Variants in CPVL observed in about 807,000 individuals in gnomAD.
The protein encoded by CPVL is probable serine carboxypeptidase CPVL.
CPVL carries 51 observed loss-of-function variants against 63.7 expected under a neutral mutation model. The observed-to-expected ratio is 0.80, with a 90% CI of 0.64 to 1.01. CPVL has a LOEUF of 1.01. CPVL is among the 50% of genes least tolerant of loss of function. CPVL has a pLI of 0.00. For missense variants in CPVL, 530 were observed against 573.1 expected, an observed-to-expected ratio of 0.92 and a Z score of 0.77; for synonymous variants, 195 against 206.0, an observed-to-expected ratio of 0.95 and a Z score of 0.46.
At chr7:29,142,927 C>CT (rs1368059570) in intron 1 of CPVL, among the ~76,000 whole-genome samples, 2 of 152,098 alleles carry the variant, frequency 1.3e-5, no homozygotes, top group Non-Finnish European at 2.9e-5. Context: ...ATTCTACTTC[C>CT]TTTTTTCTCC....
chr7:29,104,298 G>C (rs1227998240), intron 3 of CPVL, among the ~76,000 whole-genome samples: 2 of 152,112 alleles, frequency 1.3e-5, no homozygotes, highest in Non-Finnish European at 2.9e-5. Flanking sequence ...TCTCACTCTT[G>C]TTACCCAGGC....
chr7:29,012,373 C>T (rs1313898687), intron 12 of CPVL: 2 of 152,130 alleles, frequency 1.3e-5, no homozygotes, highest in African/African-American at 4.8e-5. Context: ...ACCAGGAACA[C>T]GTTGTTTCAG....
chr7:29,170,859 G>A (rs1483640633), intron 5 of CPVL, among the ~76,000 whole-genome samples: 2 of 152,170 alleles, frequency 1.3e-5, no homozygotes, highest in African/African-American at 4.8e-5. Context: ...GGTAAAGAGA[G>A]AGCTTGTGCA....
At chr7:29,122,768 C>T (rs1290251489) in intron 1 of CPVL, 3 of 152,072 alleles carry the variant, frequency 2.0e-5, no homozygotes, top group African/African-American at 7.2e-5. Flanking sequence ...AAAATGTTGA[C>T]CATTTTTATT....
chr7:29,074,745 G>A (rs570759169), intron 7 of CPVL, among the ~76,000 whole-genome samples: 29 of 149,828 alleles, frequency 1.9e-4, no homozygotes, highest in African/African-American at 6.2e-4. Flanking sequence ...TCTCTCTCTC[G>A]TAGTACCTTT....
At chr7:29,000,806 C>T (rs1784557725) in intron 12 of CPVL, among the ~76,000 whole-genome samples, 1 of 152,076 alleles carries the variant, frequency 6.6e-6, no homozygotes, top group Non-Finnish European at 1.5e-5. Context: ...TTTCACCACC[C>T]CAAAGGAAAC....
intron 6 of CPVL, among the ~76,000 whole-genome samples, chr7:29,088,235 C>T (rs946818944): frequency 7.9e-5 from 12 of 152,060 alleles, no homozygotes; most frequent in African/African-American, 2.9e-4. Context: ...ATAAGTATGT[C>T]CCAAATATTG....
At chr7:29,195,073 CT>C in intron 1 of CPVL, 1 of 1,407,878 alleles carries the variant, frequency 7.1e-7, no homozygotes, top group Non-Finnish European at 9.6e-7. Context: ...TGGACAGAGC[CT>C]ACCTGTGGCC....
chr7:29,116,507 C>G (rs1169682140), intron 2 of CPVL, among the ~76,000 whole-genome samples: 2 of 152,168 alleles, frequency 1.3e-5, no homozygotes, highest in Admixed American at 6.5e-5. Flanking sequence ...GATTTTACTT[C>G]CTCCTTGTTT....
chr7:29,074,514 T>C (rs574538457), intron 7 of CPVL, among the ~76,000 whole-genome samples: 1 of 152,266 alleles, frequency 6.6e-6, no homozygotes, highest in South Asian at 2.1e-4. Flanking sequence ...GATAGTTTAT[T>C]GGGCAATTCT....
intron 11 of CPVL, 149 bp downstream of exon 11, chr7:29,063,912 G>T: frequency 1.7e-6 from 1 of 596,724 alleles, no homozygotes; most frequent in Non-Finnish European, 2.9e-6. Context: ...ACTTTGAATT[G>T]GAATCAAACA....
chr7:29,068,152 C>A (rs781604402), intron 9 of CPVL, among the ~76,000 whole-genome samples: 1 of 151,804 alleles, frequency 6.6e-6, no homozygotes, highest in Non-Finnish European at 1.5e-5. Context: ...TTAAAGGCGC[C>A]TGCCACCACG....
At chr7:29,080,090 T>C (rs1352492589) in intron 7 of CPVL, among the ~76,000 whole-genome samples, 1 of 151,476 alleles carries the variant, frequency 6.6e-6, no homozygotes. Context: ...GCCTGGGACA[T>C]AGTACAGGGA....
chr7:29,122,187 T>C (rs1203287104), intron 1 of CPVL: 1 of 152,218 alleles, frequency 6.6e-6, no homozygotes, highest in Non-Finnish European at 1.5e-5. Context: ...ACAAAGACTT[T>C]GTCAGGATAA....
chr7:29,032,185 T>G (rs1454831163), intron 11 of CPVL, among the ~76,000 whole-genome samples: 2 of 152,088 alleles, frequency 1.3e-5, no homozygotes, highest in Admixed American at 1.3e-4. Flanking sequence ...ACTGCATAAG[T>G]TTCCGTCTTT....
At position 29,146,452 on chromosome 7, in the gene CPVL, T is replaced by C. The variant is rs571012210; in HGVS notation, c.-34A>G. On this transcript the variant is annotated 5_prime_UTR_variant, in exon 1 of 13. Coordinates refer to ENST00000265394, the MANE Select transcript of CPVL (RefSeq NM_031311.5). The stretch of plus-strand genomic sequence containing the variant: ...ACGCGGCGCAGTCGGTGCTCCTCCC[T>C]GAGCCGCGGCGCGCAAGGACCCCAG... 1.5e-6 allele frequency: 2 copies of C among 1,372,074 alleles called. No individual in the cohort carries two copies. The highest frequency in any genetic ancestry group is 1.6e-5 in the South Asian group (1 of 64,508). 85.0% of individuals were successfully genotyped at this position (1,372,074 alleles called of 1,614,324 possible). A position where few individuals can be genotyped will look rare whatever the true frequency, so the allele number is the denominator to read the frequency against.
At chr7:29,111,740 A>G (rs1377942191) in intron 3 of CPVL, among the ~76,000 whole-genome samples, 1 of 152,222 alleles carries the variant, frequency 6.6e-6, no homozygotes, top group Non-Finnish European at 1.5e-5. Context: ...ATAACTCAAT[A>G]GTACCAGGAG....
chr7:29,146,347 C>A, intron 1 of CPVL, 82 bp downstream of exon 1: 1 of 527,592 alleles, frequency 1.9e-6, no homozygotes. Context: ...CTACCTGCCC[C>A]GCGCTCCCTA....
chr7:29,176,730 A>T (rs1797397642), intron 5 of CPVL, among the ~76,000 whole-genome samples: 1 of 152,228 alleles, frequency 6.6e-6, no homozygotes, highest in Non-Finnish European at 1.5e-5. Context: ...CGTTGACAGT[A>T]TAAAACAACA....
Sources: allele counts gnomAD v4.1 joint callset (sites outside exome capture counted in the v4.1 genomes callset), GRCh38; gene constraint gnomAD v4.1.1; transcripts MANE v1.5; gene names NCBI Gene and HGNC (gene_info 2026-07-23, HGNC 2026-07-21).